The following CFAP65 variants were observed in gnomAD, a reference collection of about 807,000 sequenced individuals.
CFAP65 encodes the protein cilia and flagella associated protein 65.
Under a neutral mutation model 208.0 loss-of-function variants are expected in CFAP65, and 155 were observed. The ratio of observed to expected loss-of-function variants is 0.75; its 90% confidence interval spans 0.65 to 0.85. The LOEUF (loss-of-function observed/expected upper bound fraction) is 0.85, where lower values mean the gene tolerates loss of function less well. Among genes scored for constraint, CFAP65 ranks in the 40% least tolerant of loss-of-function variants. CFAP65 has a pLI of 0.00. For missense variants in CFAP65, 2,294 were observed against 2,451.3 expected, an observed-to-expected ratio of 0.94 and a Z score of 1.36; for synonymous variants, 970 against 986.3, an observed-to-expected ratio of 0.98 and a Z score of 0.31.
chr2:219,033,067 TG>T (rs1948152139), intron 5 of CFAP65, among the ~76,000 whole-genome samples: 3 of 152,090 alleles, frequency 2.0e-5, no homozygotes, highest in South Asian at 4.1e-4. Flanking sequence ...TAAATTTAGA[TG>T]AAAAAAATTG....
At position 219,024,166 on chromosome 2, in the gene CFAP65, TG is replaced by T; in HGVS notation, c.2443del (p.Gln815ArgfsTer53). On this transcript the variant is annotated frameshift_variant, in exon 15 of 35. Coordinates refer to ENST00000341552, the MANE Select transcript of CFAP65 (RefSeq NM_194302.4). LOFTEE classifies it high-confidence loss of function. ...CCGAAGGATGACGTCTGAGCCTCTC[TG>T]GGGGGCCAGGCTGAAGGTCAGCAGC... is the stretch of plus-strand genomic sequence containing the variant. ...CKLLTFSLAP[Q>X]RGSDVILRPT... 3 of 1,613,964 alleles carry T rather than the reference TG, an allele frequency of 1.9e-6. No homozygotes were observed. The highest frequency in any genetic ancestry group is 1.1e-5 in the South Asian group (1 of 91,076).
In CFAP65 at chr2:219,038,393, G is replaced by GCAGGCA; in HGVS notation, c.333_338dup (p.Ala112_Cys113dup). The GCAGGCA allele has an allele frequency of 6.2e-7, 1 of 1,613,098 alleles. No homozygotes were observed. Among genetic ancestry groups the GCAGGCA allele is most frequent in the South Asian group, 1.1e-5 (1 of 91,020 alleles). Reference sequence around the variant, plus strand: ...TCCTTACCTGGGCGCTGATGGTGCTGCAGGCACTCATGGCTGCACTGCTGT... The same window carrying GCAGGCA: ...TCCTTACCTGGGCGCTGATGGTGCTGCAGGCACAGGCACTCATGGCTGCACTGCTGT... On this transcript the variant is annotated inframe_insertion, in exon 4 of 35. Transcript: ENST00000341552.
At position 219,010,599 on chromosome 2, in the gene CFAP65, T is replaced by A. The variant is rs145379636; in HGVS notation, c.4255A>T (p.Ile1419Phe). 3.1e-6 allele frequency: 5 copies of A among 1,611,622 alleles called. No homozygotes were observed. The highest frequency in any genetic ancestry group is 4.2e-6 in the Non-Finnish European group (5 of 1,179,606). ...ATGGAACTGTTGTCCCACGAGGAGA[T>A]GTTGTGGAATGGGGCTGTGTCCCCC... ...MMGDTAPFHN[I>F]SSWDNSSIHS... is the part of the protein sequence containing the mutation. Residue 1419 changes from isoleucine to phenylalanine, a missense_variant, in exon 26 of 35, where the codon ATC becomes TTC. Coordinates refer to ENST00000341552, the MANE Select transcript of CFAP65 (RefSeq NM_194302.4).
intron 23 of CFAP65, 41 bp downstream of exon 23, chr2:219,013,478 C>T: frequency 1.3e-6 from 2 of 1,576,706 alleles, no homozygotes; most frequent in Non-Finnish European, 8.6e-7. Flanking sequence ...CCCCCTCCTC[C>T]AGCCTGAAAC....
chr2:219,031,576 C>CT lies in CFAP65; in HGVS notation c.727dup (p.Arg243LysfsTer21). On this transcript the variant is annotated frameshift_variant, in exon 7 of 35. Coordinates refer to ENST00000341552, the MANE Select transcript of CFAP65 (RefSeq NM_194302.4). LOFTEE classifies it high-confidence loss of function. The surrounding 1 kb of genome is among the most constrained non-coding windows in gnomAD (Gnocchi z 5.2). ...CAGGGATGGTGGGCGGCAGATCAGC[C>CT]TGTGGCAGGGCAGGGTGGCCCGTAG... is the stretch of plus-strand genomic sequence containing the variant. The CT allele has an allele frequency of 6.2e-7, 1 of 1,614,222 alleles. No individual in the cohort carries two copies. Among genetic ancestry groups the CT allele is most frequent in the East Asian group, 2.2e-5 (1 of 44,880 alleles).
Position 219,027,943 on chromosome 2 carries a change from C to G in CFAP65, c.1918G>C (p.Gly640Arg), listed in dbSNP as rs377486504. The change falls in exon 13 of 35, where the codon GGC (glycine) becomes CGC (arginine). Residue 640 changes from glycine to arginine, a missense_variant. Physicochemically the swap from Gly to Arg is moderately radical, Grantham distance 125. Coordinates refer to ENST00000341552, the MANE Select transcript of CFAP65 (RefSeq NM_194302.4). Reference sequence around the variant, plus strand: ...GGGAAGATGGTTATGTCGCTGGTGCCGTCGAAGAAGAACTCGGTCATGGGG... The same window carrying G: ...GGGAAGATGGTTATGTCGCTGGTGCGGTCGAAGAAGAACTCGGTCATGGGG... ...IPPMTEFFFDGTSDITIFPPP... is the reference protein window; with the variant it reads ...IPPMTEFFFDRTSDITIFPPP... 86 of 1,519,532 alleles carry G rather than the reference C, an allele frequency of 5.7e-5. No individual in the cohort carries two copies. In the East Asian group the frequency reaches 1.2e-3, roughly 21 times the overall value. The allele number at this position is 1,519,532 out of a possible 1,614,324, so 94.1% of individuals were successfully genotyped here. A position where few individuals can be genotyped will look rare whatever the true frequency, so the allele number is the denominator to read the frequency against.
intron 29 of CFAP65, among the ~76,000 whole-genome samples, chr2:219,007,228 G>C (rs1946082133): frequency 6.6e-6 from 1 of 150,704 alleles, no homozygotes; most frequent in Admixed American, 6.6e-5. Flanking sequence ...GGTTGGAGTG[G>C]AGTGACCCCA....
Position 219,021,323 on chromosome 2 carries a change from C to T in CFAP65, c.3131-43G>A, listed in dbSNP as rs777824154. 5.3e-6 allele frequency: 8 copies of T among 1,509,772 alleles called. No individual in the cohort carries two copies. In the East Asian group the frequency reaches 1.4e-4, roughly 27 times the overall value. 93.5% of individuals were successfully genotyped at this position (1,509,772 alleles called of 1,614,324 possible). A position where few individuals can be genotyped will look rare whatever the true frequency, so the allele number is the denominator to read the frequency against. Reference sequence around the variant, plus strand: ...CGGAGGGTCAGTGGGTAGAGGAGGCCCAGCCATTCCTCCTGCTCCTTTGTA... The same window carrying T: ...CGGAGGGTCAGTGGGTAGAGGAGGCTCAGCCATTCCTCCTGCTCCTTTGTA... On this transcript the variant is annotated intron_variant, in intron 18 of 34. Transcript: ENST00000341552.
rs949141780 is a variant in CFAP65, at chr2:219,027,324, A to G, written c.2211+326T>C. The G allele has an allele frequency of 3.5e-5, 51 of 1,440,170 alleles. No homozygotes were observed. In the South Asian group the frequency reaches 5.5e-4, roughly 15 times the overall value. The allele number at this position is 1,440,170 out of a possible 1,614,324, so 89.2% of individuals were successfully genotyped here. ...GTGACCACTTCTTAATTCAAGGACT[A>G]GTAGAGAAGCTAGGAGGCCTCCTAG... On this transcript the variant is annotated intron_variant, in intron 13 of 34. Transcript: ENST00000341552.
chr2:219,021,589 C>A (rs1947266771), intron 18 of CFAP65, among the ~76,000 whole-genome samples, 191 bp downstream of exon 18: 1 of 152,144 alleles, frequency 6.6e-6, no homozygotes, highest in African/African-American at 2.4e-5. Context: ...GGCTAGAGGG[C>A]AGTGGCTCTT....
At chr2:219,022,143 C>G in intron 17 of CFAP65, 28 bp downstream of exon 17, 1 of 1,541,244 alleles carries the variant, frequency 6.5e-7, no homozygotes, top group Non-Finnish European at 8.8e-7. Context: ...CTCCCCCAGC[C>G]CCCTCCTGCC....
rs751168818 is a variant in CFAP65 at position 219,028,289 on chromosome 2, G to T, written c.1763C>A (p.Thr588Lys). 6.2e-7 allele frequency: 1 copy of T among 1,614,060 alleles called. No individual in the cohort carries two copies. Among genetic ancestry groups the T allele is most frequent in the Non-Finnish European group, 8.5e-7 (1 of 1,180,000 alleles). The change falls in exon 12 of 35, where the codon ACG becomes AAG. Residue 588 changes from threonine (T) to lysine (K), a missense_variant. Coordinates refer to ENST00000341552, the MANE Select transcript of CFAP65 (RefSeq NM_194302.4). The part of the protein sequence containing the change: ...WYRTHLARGL[T>K]LYPPDILDAM... ...ATCCAGGATGTCAGGGGGGTAGAGC[G>T]TCAGGCCCCGGGCCAGGTGTGTGCG...
In CFAP65 at chr2:219,004,573, C is replaced by A. The variant is rs1197574884; in HGVS notation, c.5052-118G>T. 1.2e-5 allele frequency: 14 copies of A among 1,122,922 alleles called. No individual in the cohort carries two copies. The highest frequency in any genetic ancestry group is 3.1e-5 in the African/African-American group (2 of 63,782). The allele number at this position is 1,122,922 out of a possible 1,614,324, so 69.6% of individuals were successfully genotyped here. On this transcript the variant is annotated intron_variant, in intron 32 of 34. Transcript: ENST00000341552. The surrounding 1 kb of genome is among the most constrained non-coding windows in gnomAD (Gnocchi z 4.7). ...GGGCTGCTAGGTGGGGAGAGGGGAGCCCTTGGTCAGTTGTTCCTCCTGTCC... is the reference window on the plus strand; with the variant it reads ...GGGCTGCTAGGTGGGGAGAGGGGAGACCTTGGTCAGTTGTTCCTCCTGTCC...
Position 219,021,151 on chromosome 2 carries a change from C to A in CFAP65, c.3259+1G>T. ...CTCTCTATGCCAGGCAGTCTAGGTA[C>A]CTCTGTGGGAAAGGAGAGAGTAGGT... On this transcript the variant is annotated splice_donor_variant, in intron 19 of 34. Coordinates refer to ENST00000341552, the MANE Select transcript of CFAP65 (RefSeq NM_194302.4). LOFTEE classifies it high-confidence loss of function. The A allele has an allele frequency of 6.4e-7, 1 of 1,553,626 alleles. No homozygotes were observed. The highest frequency in any genetic ancestry group is 8.7e-7 in the Non-Finnish European group (1 of 1,147,398).
chr2:219,010,765 GCAC>G (rs771428612), intron 25 of CFAP65, 37 bp downstream of exon 25: 1 of 1,587,796 alleles, frequency 6.3e-7, no homozygotes, highest in Non-Finnish European at 8.6e-7. Flanking sequence ...GAGGAAGCCA[GCAC>G]CACCCCACCT....
In CFAP65 at chr2:219,019,049, A is replaced by G. The variant is rs776373170; in HGVS notation, c.3602+2T>C. 8 of 1,614,024 alleles carry G rather than the reference A, an allele frequency of 5.0e-6. No individual in the cohort carries two copies. The African/African-American group carries it at 1.1e-4, about 22-fold the overall frequency. On this transcript the variant is annotated splice_donor_variant, in intron 21 of 34. Coordinates refer to ENST00000341552, the MANE Select transcript of CFAP65 (RefSeq NM_194302.4). LOFTEE classifies it high-confidence loss of function. ...CCCCCAGTGGCCCCCTTCAAGCCAT[A>G]CCAGTCCAGGGACACCACTCCGCTG...
chr2:219,029,932 T>A, intron 10 of CFAP65, 54 bp downstream of exon 10: 1 of 1,541,478 alleles, frequency 6.5e-7, no homozygotes, highest in East Asian at 2.3e-5. Context: ...CTCTTCAGAA[T>A]CCTCAGCAGG....
Position 219,009,343 on chromosome 2 carries a change from C to G in CFAP65, c.4566+4G>C. 6.2e-7 allele frequency: 1 copy of G among 1,609,070 alleles called. No individual in the cohort carries two copies. The highest frequency in any genetic ancestry group is 8.5e-7 in the Non-Finnish European group (1 of 1,176,580). ...CCCACTTTACCCCTGGGGCTGGTTC[C>G]TACCTTGCATACCAGGTCTGCACTG... On this transcript the variant is annotated splice_donor_region_variant and intron_variant, in intron 28 of 34. Transcript: ENST00000341552.
At chr2:219,027,357 C>T in intron 13 of CFAP65, 1 of 1,453,384 alleles carries the variant, frequency 6.9e-7, no homozygotes, top group Non-Finnish European at 9.1e-7. Context: ...TAGCCAGGAG[C>T]CCCAGGGAGT....
Sources: allele counts gnomAD v4.1 joint callset (sites outside exome capture counted in the v4.1 genomes callset), GRCh38; gene constraint gnomAD v4.1.1; non-coding constraint Gnocchi (gnomAD v3.1); transcripts MANE v1.5; gene names NCBI Gene and HGNC (gene_info 2026-07-23, HGNC 2026-07-21).